The following CAMTA1 variants were observed in gnomAD, a reference collection of about 807,000 sequenced individuals.
CAMTA1 encodes the protein calmodulin binding transcription activator 1.
CAMTA1 carries 27 observed loss-of-function variants against 170.9 expected under a neutral mutation model. The ratio of observed to expected loss-of-function variants is 0.16; its 90% CI spans 0.12 to 0.22. The LOEUF is 0.22. CAMTA1 is among the 10% of genes least tolerant of loss of function. The probability of loss-of-function intolerance (pLI) is 1.00; values close to 1 mark genes in which losing one functional copy is unlikely to be tolerated. For missense variants in CAMTA1, 1,619 were observed against 2,217.2 expected (o/e 0.73, Z 5.42); for synonymous variants, 833 against 891.5 (o/e 0.93, Z 1.17).
intron 3 of CAMTA1, among the ~76,000 whole-genome samples, chr1:7,051,447 G>A (rs556052692): frequency 6.6e-6 from 1 of 152,284 alleles, no homozygotes; most frequent in African/African-American, 2.4e-5. Context: ...GCGTGGGGTG[G>A]GCAGGTGGGG....
intron 5 of CAMTA1, among the ~76,000 whole-genome samples, chr1:7,276,191 T>C (rs1449929339): frequency 7.9e-6 from 1 of 126,814 alleles, no homozygotes; most frequent in African/African-American, 3.2e-5. Context: ...CATTCATGAT[T>C]AAAAAAAAAA....
At chr1:7,449,859 C>G (rs1557734758) in intron 5 of CAMTA1, among the ~76,000 whole-genome samples, 2 of 152,076 alleles carry the variant, frequency 1.3e-5, no homozygotes, top group East Asian at 3.9e-4. Flanking sequence ...TCAGAGCAGC[C>G]CCCGAGGAGT....
chr1:7,730,928 CTATATA>C (rs148508017), intron 11 of CAMTA1, among the ~76,000 whole-genome samples: 20,250 of 114,064 alleles, frequency 0.18, 1,447 homozygotes, highest in South Asian at 0.21. Context: ...CTCTCTCTCT[CTATATA>C]TATATATATA....
At chr1:7,018,576 G>A (rs1040475929) in intron 3 of CAMTA1, among the ~76,000 whole-genome samples, 3 of 152,040 alleles carry the variant, frequency 2.0e-5, no homozygotes, top group African/African-American at 7.3e-5. Context: ...AGTTTACACT[G>A]CCAATTATAC....
chr1:7,467,868 C>T lies in CAMTA1; in HGVS notation c.477C>T (p.Pro159=). The change falls in exon 6 of 23, where the codon CCC becomes CCT. Residue 159 remains proline (P), a synonymous_variant. Transcript: ENST00000303635. ...YGCYVHSSII[P]TFHRRCYWLL... Reference sequence around the variant, plus strand: ...GCTATGTCCATTCCTCCATCATCCCCACCTTCCACCGGAGGTGCTACTGGC... The same window carrying T: ...GCTATGTCCATTCCTCCATCATCCCTACCTTCCACCGGAGGTGCTACTGGC... 1.2e-6 allele frequency: 2 copies of T among 1,614,108 alleles called. No homozygotes were observed. The highest frequency in any genetic ancestry group is 8.5e-7 in the Non-Finnish European group (1 of 1,179,940).
rs367848023 is a variant in CAMTA1 at position 7,732,538 on chromosome 1, C to T, written c.3005C>T (p.Ala1002Val). The change falls in exon 12 of 23, where the codon GCG becomes GTG. Residue 1002 changes from alanine to valine, a missense_variant. This residue lies in a region of CAMTA1 where 143 missense variants were observed against 184.2 expected (regional missense o/e 0.78). Transcript: ENST00000303635. The surrounding 1 kb of genome is among the most constrained non-coding windows in gnomAD (Gnocchi z 4.1). ...ACGGGGTCCCAGCAGCACAAACAGG[C>T]GAGCGGAGGCGGCAGCAGTGGAGGC... ...EMTGSQQHKQ[A>V]SGGGSSGGGS... is the part of the protein sequence containing the mutation. 119 of 1,613,328 alleles carry T rather than the reference C, an allele frequency of 7.4e-5. No homozygotes were observed. The highest frequency in any genetic ancestry group is 1.7e-4 in the Middle Eastern group (1 of 5,736).
chr1:6,905,957 C>T (rs904971134), intron 3 of CAMTA1, among the ~76,000 whole-genome samples: 15 of 152,282 alleles, frequency 9.9e-5, no homozygotes, highest in South Asian at 4.1e-4. Flanking sequence ...CTCCCACACA[C>T]GCCTCTGCTC....
At position 7,736,273 on chromosome 1, in the gene CAMTA1, C is replaced by T; in HGVS notation, c.3067-71C>T. 1 of 1,278,808 alleles carries T rather than the reference C, an allele frequency of 7.8e-7. No homozygotes were observed. 79.2% of individuals were successfully genotyped at this position (1,278,808 alleles called of 1,614,324 possible). On this transcript the variant is annotated intron_variant, in intron 12 of 22. Coordinates refer to ENST00000303635, the MANE Select transcript of CAMTA1 (RefSeq NM_015215.4). The surrounding 1 kb of genome is among the most constrained non-coding windows in gnomAD (Gnocchi z 4.5). ...TTCTAATCGTAAAGCATTTGTTTCC[C>T]CTACATCGAAGCGCTGATGGGGTCG...
At chr1:7,568,049 G>A (rs2095065021) in intron 6 of CAMTA1, among the ~76,000 whole-genome samples, 1 of 152,064 alleles carries the variant, frequency 6.6e-6, no homozygotes, top group Admixed American at 6.5e-5. Flanking sequence ...ATCAATAAAT[G>A]TTTACCATTA....
intron 4 of CAMTA1, among the ~76,000 whole-genome samples, chr1:7,127,758 G>A (rs1466795297): frequency 6.6e-6 from 1 of 152,190 alleles, no homozygotes; most frequent in East Asian, 1.9e-4. Context: ...ACAGGCAAGA[G>A]GACCTAGCCT....
intron 12 of CAMTA1, among the ~76,000 whole-genome samples, chr1:7,735,464 AAAG>A (rs960599895): frequency 1.3e-4 from 20 of 152,052 alleles, no homozygotes; most frequent in South Asian, 2.1e-4. Flanking sequence ...AAAAAAGAAA[AAAG>A]AAGAAGAAGA....
intron 5 of CAMTA1, among the ~76,000 whole-genome samples, chr1:7,439,195 C>T (rs2092443954): frequency 6.6e-6 from 1 of 152,182 alleles, no homozygotes; most frequent in South Asian, 2.1e-4. Context: ...GCTGACTGGA[C>T]ACAGGTGGGA....
intron 7 of CAMTA1, among the ~76,000 whole-genome samples, chr1:7,650,979 C>G (rs559804121): frequency 2.6e-5 from 4 of 152,168 alleles, no homozygotes; most frequent in Admixed American, 6.5e-5. Flanking sequence ...TCAACAACAC[C>G]GAGGACTCCG....
intron 4 of CAMTA1, among the ~76,000 whole-genome samples, chr1:7,147,549 C>T (rs551777729): frequency 1.3e-4 from 20 of 151,432 alleles, no homozygotes; most frequent in East Asian, 9.8e-4. Context: ...ACTATGCACA[C>T]GCAAACACAA....
At chr1:7,295,938 G>A (rs770681830) in intron 5 of CAMTA1, among the ~76,000 whole-genome samples, 4 of 152,170 alleles carry the variant, frequency 2.6e-5, no homozygotes, top group Non-Finnish European at 4.4e-5. Flanking sequence ...TCCCACTCAG[G>A]GCTCCTTACA....
chr1:7,576,722 G>C (rs1338549605), intron 6 of CAMTA1, among the ~76,000 whole-genome samples: 1 of 152,196 alleles, frequency 6.6e-6, no homozygotes, highest in Non-Finnish European at 1.5e-5. Flanking sequence ...CCACACGGTG[G>C]AGAGTGATGG....
At chr1:7,212,719 G>A (rs1447683302) in intron 4 of CAMTA1, among the ~76,000 whole-genome samples, 3 of 152,032 alleles carry the variant, frequency 2.0e-5, no homozygotes, top group Non-Finnish European at 4.4e-5. Context: ...CCTCACCTCC[G>A]GGGTGCTGCA....
chr1:7,189,249 T>C (rs1654058780), intron 4 of CAMTA1, among the ~76,000 whole-genome samples: 1 of 152,190 alleles, frequency 6.6e-6, no homozygotes, highest in East Asian at 1.9e-4. Flanking sequence ...TTAAATAATG[T>C]ATGCCACACA....
At chr1:6,858,210 A>G (rs947917966) in intron 3 of CAMTA1, among the ~76,000 whole-genome samples, 7 of 152,118 alleles carry the variant, frequency 4.6e-5, no homozygotes, top group African/African-American at 1.2e-4. Context: ...TAACTGTTCA[A>G]TTGTATTTTG....
Sources: allele counts gnomAD v4.1 joint callset (sites outside exome capture counted in the v4.1 genomes callset), GRCh38; gene constraint gnomAD v4.1.1; regional missense constraint gnomAD v4.1.1; non-coding constraint Gnocchi (gnomAD v3.1); transcripts MANE v1.5; gene names NCBI Gene and HGNC (gene_info 2026-07-23, HGNC 2026-07-21).